Variants in STIMATE observed in about 807,000 individuals in gnomAD.
STIMATE encodes store-operated calcium entry regulator STIMATE.
A neutral mutation model predicts 36.7 loss-of-function variants in STIMATE; 15 were observed. The observed-to-expected ratio is 0.41, with a 90% confidence interval of 0.27 to 0.63. STIMATE has a LOEUF of 0.63. Among genes scored for constraint, STIMATE ranks in the 20% least tolerant of loss-of-function variants. STIMATE has a pLI of 0.32. For missense variants in STIMATE, 305 were observed against 397.3 expected (o/e 0.77, Z 1.98); for synonymous variants, 163 against 162.3 (o/e 1.00, Z -0.03).
intron 1 of STIMATE, among the ~76,000 whole-genome samples, chr3:52,877,637 T>C (rs1701522475): frequency 6.6e-6 from 1 of 152,176 alleles, no homozygotes; most frequent in African/African-American, 2.4e-5. Flanking sequence ...ATTTTCCCAA[T>C]TCTAATAACT....
At chr3:52,881,571 T>C (rs954549935) in intron 1 of STIMATE, among the ~76,000 whole-genome samples, 4 of 151,756 alleles carry the variant, frequency 2.6e-5, no homozygotes, top group Non-Finnish European at 4.4e-5. Context: ...GGCGTGGTGG[T>C]GGGTGCCTGT....
At chr3:52,888,670 AT>A (rs1260992027) in intron 1 of STIMATE, among the ~76,000 whole-genome samples, 1 of 152,256 alleles carries the variant, frequency 6.6e-6, no homozygotes, top group African/African-American at 2.4e-5. Flanking sequence ...AAGAACACAG[AT>A]GAGCTGAAGA....
At chr3:52,843,193 T>C in intron 6 of STIMATE, 1 of 773,370 alleles carries the variant, frequency 1.3e-6, no homozygotes, top group Non-Finnish European at 1.9e-6. Flanking sequence ...CTGACGGGTT[T>C]TTGTTGTGGT....
intron 1 of STIMATE, among the ~76,000 whole-genome samples, chr3:52,864,284 G>A (rs374284198): frequency 4.6e-5 from 7 of 152,276 alleles, no homozygotes; most frequent in Admixed American, 6.5e-5. Context: ...CTGTGCACTC[G>A]CAGGCTCAAC....
chr3:52,855,335 G>GC, intron 2 of STIMATE, 61 bp downstream of exon 2: 10 of 840,506 alleles, frequency 1.2e-5, no homozygotes, highest in South Asian at 3.4e-5. Flanking sequence ...CCCACCCCCA[G>GC]CCCCAAGACC....
chr3:52,877,387 C>T (rs1337595130), intron 1 of STIMATE, among the ~76,000 whole-genome samples: 2 of 152,202 alleles, frequency 1.3e-5, no homozygotes, highest in Admixed American at 1.3e-4. Context: ...AGTTCCCTTT[C>T]TCATGCCATA....
chr3:52,860,458 G>C (rs1701199093), intron 1 of STIMATE, among the ~76,000 whole-genome samples: 1 of 152,192 alleles, frequency 6.6e-6, no homozygotes, highest in African/African-American at 2.4e-5. Flanking sequence ...GAGGACAGCA[G>C]GCAGAACAGC....
intron 2 of STIMATE, 89 bp from the exon 3 acceptor site, chr3:52,852,787 A>G: frequency 6.6e-7 from 1 of 1,515,172 alleles, no homozygotes; most frequent in Non-Finnish European, 9.0e-7. Context: ...ACAGGAAGAA[A>G]GCCACCCCAA....
intron 7 of STIMATE, 152 bp from the exon 8 acceptor site, chr3:52,840,762 C>T: frequency 1.4e-6 from 1 of 701,588 alleles, no homozygotes; most frequent in Non-Finnish European, 2.3e-6. Context: ...TGCAATGGCA[C>T]GATCTCGCCT....
intron 1 of STIMATE, among the ~76,000 whole-genome samples, chr3:52,884,889 CCTT>C (rs1454927652): frequency 6.6e-6 from 1 of 152,174 alleles, no homozygotes; most frequent in Non-Finnish European, 1.5e-5. Context: ...ATGCACACGT[CCTT>C]CTATGGCCAT....
intron 1 of STIMATE, among the ~76,000 whole-genome samples, chr3:52,887,996 T>TTTTTTTTG (rs1559499709): frequency 9.0e-6 from 1 of 111,550 alleles, no homozygotes; most frequent in Non-Finnish European, 1.9e-5. Context: ...CAGAATCAGT[T>TTTTTTTTG]TTTTTTTTTT....
intron 1 of STIMATE, among the ~76,000 whole-genome samples, chr3:52,858,061 T>C (rs904881859): frequency 1.3e-5 from 2 of 152,084 alleles, no homozygotes; most frequent in African/African-American, 4.8e-5. Context: ...AGAGAGGCCT[T>C]GGAGGAAATC....
intron 2 of STIMATE, among the ~76,000 whole-genome samples, chr3:52,854,368 C>T (rs551773710): frequency 1.3e-5 from 2 of 152,300 alleles, no homozygotes; most frequent in African/African-American, 4.8e-5. Flanking sequence ...TAATCCCCCA[C>T]CCTCCAGGGA....
chr3:52,860,503 A>C (rs964958641), intron 1 of STIMATE, among the ~76,000 whole-genome samples: 14 of 152,114 alleles, frequency 9.2e-5, no homozygotes, highest in Admixed American at 2.0e-4. Flanking sequence ...ACCTCCACCG[A>C]GAACCCAGGC....
At position 52,840,398 on chromosome 3, in the gene STIMATE, G is replaced by A. The variant is rs987395329; in HGVS notation, c.*96C>T. On this transcript the variant is annotated 3_prime_UTR_variant, in exon 8 of 8. Transcript: ENST00000355083. Reference sequence around the variant, plus strand: ...CAGCAAGAGGAGCAGAGGTAGAAAGGAAGGGCAGAGAGAGGGTAAGGAACG... The same window carrying A: ...CAGCAAGAGGAGCAGAGGTAGAAAGAAAGGGCAGAGAGAGGGTAAGGAACG... The A allele has an allele frequency of 4.5e-6, 6 of 1,332,604 alleles. No homozygotes were observed. Among genetic ancestry groups the A allele is most frequent in the Non-Finnish European group, 6.3e-6 (6 of 956,404 alleles). 82.5% of individuals were successfully genotyped at this position (1,332,604 alleles called of 1,614,324 possible).
At chr3:52,858,771 A>G (rs966294413) in intron 1 of STIMATE, among the ~76,000 whole-genome samples, 1 of 152,224 alleles carries the variant, frequency 6.6e-6, no homozygotes, top group Non-Finnish European at 1.5e-5. Context: ...ATTCACTGCA[A>G]TACTGTCGTA....
rs754307537 is a variant in STIMATE, at chr3:52,847,490, G to A, written c.427+2302C>T. 7.8e-6 allele frequency: 10 copies of A among 1,289,650 alleles called. 1 individual carries two copies. In the South Asian group the frequency reaches 1.1e-4, roughly 14 times the overall value. 79.9% of individuals were successfully genotyped at this position (1,289,650 alleles called of 1,614,324 possible). ...CACCTGGATCTGGTCTCAACCGCCGGGGCTGTGTGGCTTATTTCCCTGAGT... is the reference window on the plus strand; with the variant it reads ...CACCTGGATCTGGTCTCAACCGCCGAGGCTGTGTGGCTTATTTCCCTGAGT... On this transcript the variant is annotated intron_variant, in intron 4 of 7. Coordinates refer to ENST00000355083, the MANE Select transcript of STIMATE (RefSeq NM_198563.5).
chr3:52,875,481 A>C (rs1044015957), intron 1 of STIMATE, among the ~76,000 whole-genome samples: 2 of 152,186 alleles, frequency 1.3e-5, no homozygotes, highest in Non-Finnish European at 1.5e-5. Context: ...TGGCCCCATC[A>C]CACAGCAAAT....
chr3:52,863,506 G>A (rs985237734), intron 1 of STIMATE, among the ~76,000 whole-genome samples: 2 of 152,188 alleles, frequency 1.3e-5, no homozygotes, highest in Non-Finnish European at 2.9e-5. Flanking sequence ...GGTGAGATTT[G>A]GGTGGGGACA....
Sources: gnomAD v4.1 joint callset for allele counts (sites outside exome capture counted in the v4.1 genomes callset) on GRCh38, gnomAD v4.1.1 for gene constraint, MANE v1.5 for transcripts, NCBI Gene and HGNC (gene_info 2026-07-23, HGNC 2026-07-21) for gene names.